MACF1: variants seen among roughly 807,000 people sequenced by gnomAD.
MACF1 encodes the protein microtubule-actin cross-linking factor 1.
A neutral mutation model predicts 854.8 loss-of-function variants in MACF1; 193 were observed. The observed-to-expected ratio is 0.23, with a 90% confidence interval of 0.20 to 0.25. The LOEUF is 0.25. Ranked by LOEUF, MACF1 falls within the 10% of genes least tolerant of loss-of-function variation. The pLI, the probability that MACF1 is intolerant of heterozygous loss-of-function variation, is 1.00. For missense variants in MACF1, 7,722 were observed against 8,929.1 expected, an observed-to-expected ratio of 0.86 and a Z score of 5.45; for synonymous variants, 3,185 against 3,226.7, an observed-to-expected ratio of 0.99 and a Z score of 0.44.
At chr1:39,388,963 C>T (rs929660486) in intron 58 of MACF1, among the ~76,000 whole-genome samples, 3 of 145,504 alleles carry the variant, frequency 2.1e-5, no homozygotes, top group Non-Finnish European at 4.5e-5. Flanking sequence ...ACTGCAGACT[C>T]GACCTCATAG....
Position 39,331,911 on chromosome 1 carries a change from A to G in MACF1, c.5323A>G (p.Ile1775Val), listed in dbSNP as rs201919334. ...GGAAGCTCAGCTTTTTGCTGGTGGCATAGTAGATCCAAGAACAGGACACAG... is the reference window on the plus strand; with the variant it reads ...GGAAGCTCAGCTTTTTGCTGGTGGCGTAGTAGATCCAAGAACAGGACACAG... ...LLEAQLFAGG[I>V]VDPRTGHRLT... The change falls in exon 37 of 101, where the codon ATA (isoleucine) becomes GTA (valine). Residue 1775 changes from isoleucine (I) to valine (V), a missense_variant. Ile to Val is a conservative substitution (Grantham distance 29). Coordinates refer to ENST00000564288, the MANE Select transcript of MACF1 (RefSeq NM_001394062.1). 9.9e-5 allele frequency: 160 copies of G among 1,614,180 alleles called. No homozygotes were observed. The East Asian group carries it at 3.5e-3, about 35-fold the overall frequency.
chr1:39,254,465 C>G, intron 5 of MACF1, 90 bp downstream of exon 5: 1 of 1,116,566 alleles, frequency 9.0e-7, no homozygotes, highest in Non-Finnish European at 1.4e-6. Context: ...CTAGTAAGCT[C>G]TCAGTAAATG....
chr1:39,295,773 C>G lies in MACF1; in HGVS notation c.2260-14C>G. The G allele has an allele frequency of 6.2e-7, 1 of 1,605,050 alleles. No homozygotes were observed. Among genetic ancestry groups the G allele is most frequent in the Non-Finnish European group, 8.5e-7 (1 of 1,173,868 alleles). The stretch of plus-strand genomic sequence containing the variant: ...AAACTCAAGCCCTTCTGTCTGTGTG[C>G]TTGTTTATTGCAGGCTTACAGTGCT... On this transcript the variant is annotated splice_polypyrimidine_tract_variant and intron_variant, in intron 19 of 100. Coordinates refer to ENST00000564288, the MANE Select transcript of MACF1 (RefSeq NM_001394062.1).
intron 79 of MACF1, 49 bp from the exon 80 acceptor site, chr1:39,444,613 T>G: frequency 1.3e-6 from 2 of 1,530,804 alleles, no homozygotes; most frequent in Admixed American, 1.8e-5. Flanking sequence ...TATGTAGGTG[T>G]CTTCCAGAGA....
intron 2 of MACF1, among the ~76,000 whole-genome samples, chr1:39,157,575 T>G (rs1350265998): frequency 6.6e-6 from 1 of 152,252 alleles, no homozygotes; most frequent in Non-Finnish European, 1.5e-5. Context: ...CCTGAATTTC[T>G]AATATGCCAA....
chr1:39,340,399 T>G, intron 38 of MACF1, 103 bp from the exon 39 acceptor site: 1 of 779,754 alleles, frequency 1.3e-6, no homozygotes. Context: ...TTCTAAGCCC[T>G]AAAGTGTGTG....
At position 39,465,085 on chromosome 1, in the gene MACF1, C is replaced by T; in HGVS notation, c.21754-10C>T. 1 of 1,611,266 alleles carries T rather than the reference C, an allele frequency of 6.2e-7. No homozygotes were observed. ...CCTTTCCTCCATCCTTTACTCTTTA[C>T]TGTCTATAGTTCTTCCTCGGCAATC... On this transcript the variant is annotated splice_polypyrimidine_tract_variant and intron_variant, in intron 94 of 100. Transcript: ENST00000564288.
intron 90 of MACF1, 125 bp downstream of exon 90, chr1:39,458,615 T>G (rs1290979044): frequency 7.9e-7 from 1 of 1,262,206 alleles, no homozygotes; most frequent in East Asian, 2.5e-5. Flanking sequence ...TGAACCAAAA[T>G]CTCTCATTTT....
In MACF1 at chr1:39,327,240, C is replaced by A; in HGVS notation, c.4501C>A (p.Gln1501Lys). Reference sequence around the variant, plus strand: ...CAGGCTCTCAGAAAAAGAGAAGAAACAAATATCTGAGCAATTGAATGCCCT... The same window carrying A: ...CAGGCTCTCAGAAAAAGAGAAGAAAAAAATATCTGAGCAATTGAATGCCCT... The part of the protein sequence containing the change: ...GHKLSEKEKK[Q>K]ISEQLNALNK... The change falls in exon 36 of 101, where the codon CAA (glutamine) becomes AAA (lysine). Residue 1501 changes from glutamine to lysine, a missense_variant. Coordinates refer to ENST00000564288, the MANE Select transcript of MACF1 (RefSeq NM_001394062.1). The A allele has an allele frequency of 6.3e-7, 1 of 1,575,214 alleles. No individual in the cohort carries two copies. Among genetic ancestry groups the A allele is most frequent in the Non-Finnish European group, 8.7e-7 (1 of 1,151,428 alleles).
At chr1:39,143,814 G>A (rs367909982) in intron 2 of MACF1, among the ~76,000 whole-genome samples, 258 of 151,882 alleles carry the variant, frequency 1.7e-3, no homozygotes, top group African/African-American at 5.6e-3. Context: ...TTGCTCTGTC[G>A]CCCAGGCTGG....
At chr1:39,162,513 T>C (rs1333995496) in intron 2 of MACF1, among the ~76,000 whole-genome samples, 1 of 152,232 alleles carries the variant, frequency 6.6e-6, no homozygotes, top group Non-Finnish European at 1.5e-5. Flanking sequence ...GTTTTTGTTT[T>C]TGTATTCCCA....
chr1:39,466,374 C>T (rs1381177365), intron 95 of MACF1, among the ~76,000 whole-genome samples: 3 of 152,188 alleles, frequency 2.0e-5, no homozygotes, highest in African/African-American at 7.2e-5. Flanking sequence ...GGTCAAACCT[C>T]CTTTCCCCCA....
At position 39,105,612 on chromosome 1, in the gene MACF1, G is replaced by C; in HGVS notation, c.220+21174G>C. On this transcript the variant is annotated intron_variant, in intron 2 of 93. Transcript: ENST00000361689. This position sits in a 1 kb window ranked among gnomAD's most constrained non-coding sequence, Gnocchi z 5.9. ...GCCCCCGGGGCTCGGCGAGAAGGCG[G>C]TGCGGGCGGCCATGGCCGGCTACGT... The C allele has an allele frequency of 1.1e-5, 14 of 1,222,000 alleles. No homozygotes were observed. Among genetic ancestry groups the C allele is most frequent in the Non-Finnish European group, 1.3e-5 (12 of 954,800 alleles). 75.7% of individuals were successfully genotyped at this position (1,222,000 alleles called of 1,614,324 possible).
chr1:39,332,215 C>T lies in MACF1; in HGVS notation c.5627C>T (p.Ala1876Val), dbSNP rs368751987. ...CAAGGTATTGTGTCTACTGAACTAG[C>T]ACATAAAATCCTTAGTAACCGACAG... ...LEQGIVSTEL[A>V]HKILSNRQHI... Residue 1876 changes from alanine to valine, a missense_variant, in exon 37 of 101, where the codon GCA becomes GTA. Transcript: ENST00000564288. The T allele has an allele frequency of 2.5e-6, 4 of 1,613,912 alleles. No homozygotes were observed. The African/African-American group carries it at 4.0e-5, about 16-fold the overall frequency.
In MACF1 at chr1:39,292,769, A is replaced by G. The variant is rs1318709180; in HGVS notation, c.1918A>G (p.Lys640Glu). 1.2e-6 allele frequency: 2 copies of G among 1,608,138 alleles called. No homozygotes were observed. Among genetic ancestry groups the G allele is most frequent in the South Asian group, 2.2e-5 (2 of 90,310 alleles). Residue 640 changes from lysine (K) to glutamate (E), a missense_variant, in exon 17 of 101, where the codon AAG becomes GAG. Physicochemically the swap from Lys to Glu is moderately conservative, Grantham distance 56. Coordinates refer to ENST00000564288, the MANE Select transcript of MACF1 (RefSeq NM_001394062.1). ...TATTTCATTCTTTTTTAATCAGGGA[A>G]AGATGTCCCAGAATTTCCATACCAG... ...SVKEARLYEG[K>E]MSQNFHTSYA...
intron 78 of MACF1, 102 bp downstream of exon 78, chr1:39,443,013 A>G (rs1157593597): frequency 1.4e-5 from 17 of 1,176,798 alleles, no homozygotes; most frequent in Admixed American, 6.3e-5. Flanking sequence ...AGAATCCCTT[A>G]TGTCTTGAGG....
rs1217160266 is a variant in MACF1, at chr1:39,190,408, T to G, written c.221-40774T>G. Among the ~76,000 whole-genome samples, 288 of 140,706 alleles carry G rather than the reference T, an allele frequency of 2.0e-3. 3 individuals carry two copies. The highest frequency in any genetic ancestry group is 6.8e-3 in the African/African-American group (265 of 39,170). 92.3% of individuals were successfully genotyped at this position (140,706 alleles called of 152,430 possible). A position where few individuals can be genotyped will look rare whatever the true frequency, so the allele number is the denominator to read the frequency against. Reference sequence around the variant, plus strand: ...GTGTGTGTGTTTGTTTTTGTTTTTTTTTTTTTTTTTTGATGGAATCTTGCT... The same window carrying G: ...GTGTGTGTGTTTGTTTTTGTTTTTTGTTTTTTTTTTTGATGGAATCTTGCT... On this transcript the variant is annotated intron_variant, in intron 2 of 93. Coordinates refer to the MACF1 transcript ENST00000361689.
Position 39,485,776 on chromosome 1 carries a change from TC to T in MACF1, c.22652del (p.Pro7551GlnfsTer9), listed in dbSNP as rs1327105224. On this transcript the variant is annotated frameshift_variant, in exon 101 of 101. Coordinates refer to ENST00000564288, the MANE Select transcript of MACF1 (RefSeq NM_001394062.1). LOFTEE classifies it high-confidence loss of function. ...AGACCACCACTGCCTCCCCCAGGACTCCAGGTCCCAAGCGATAACACTGTCT... is the reference window on the plus strand; with the variant it reads ...AGACCACCACTGCCTCCCCCAGGACTCAGGTCCCAAGCGATAACACTGTCT... The part of the protein sequence containing the change: ...KKTTTASPRT[P>X]GPKR 1 of 1,605,514 alleles carries T rather than the reference TC, an allele frequency of 6.2e-7. No individual in the cohort carries two copies. The highest frequency in any genetic ancestry group is 8.5e-7 in the Non-Finnish European group (1 of 1,174,274).
rs116365429 is a variant in MACF1 at position 39,173,069 on chromosome 1, G to A, written c.221-58113G>A. On this transcript the variant is annotated intron_variant, in intron 2 of 93. Transcript: ENST00000361689. ...GTAGAAAAAGCACTGGAGGCCGGGCGCGGTGGCTTTGCCTATAATCCCAGC... is the reference window on the plus strand; with the variant it reads ...GTAGAAAAAGCACTGGAGGCCGGGCACGGTGGCTTTGCCTATAATCCCAGC... Among the ~76,000 whole-genome samples, 190 of 152,252 alleles carry A rather than the reference G, an allele frequency of 1.2e-3. 1 individual carries two copies. The highest frequency in any genetic ancestry group is 2.3e-3 in the Non-Finnish European group (159 of 68,008).
Sources: allele counts gnomAD v4.1 joint callset (sites outside exome capture counted in the v4.1 genomes callset), GRCh38; gene constraint gnomAD v4.1.1; non-coding constraint Gnocchi (gnomAD v3.1); transcripts MANE v1.5; gene names NCBI Gene and HGNC (gene_info 2026-07-23, HGNC 2026-07-21).